Variants in MYH15 observed in about 807,000 individuals in gnomAD.
The protein encoded by MYH15 is myosin-15.
Under a neutral mutation model 240.5 loss-of-function variants are expected in MYH15, and 227 were observed. That is an observed-to-expected ratio of 0.94 (90% CI 0.85 to 1.05). The LOEUF is 1.05. Among genes scored for constraint, MYH15 ranks in the 50% least tolerant of loss-of-function variants. MYH15 has a pLI of 0.00. For missense variants in MYH15, 2,217 were observed against 2,247.5 expected, an observed-to-expected ratio of 0.99 and a Z score of 0.27; for synonymous variants, 785 against 796.7, an observed-to-expected ratio of 0.99 and a Z score of 0.25.
intron 1 of MYH15, among the ~76,000 whole-genome samples, chr3:108,516,505 T>C (rs1389263954): frequency 6.6e-6 from 1 of 152,180 alleles, no homozygotes; most frequent in Non-Finnish European, 1.5e-5. Context: ...CAAGGCCCAG[T>C]GAATGCCACA....
intron 38 of MYH15, 69 bp from the exon 39 acceptor site, chr3:108,384,851 T>C (rs2082370042): frequency 1.5e-6 from 2 of 1,351,262 alleles, no homozygotes; most frequent in African/African-American, 1.4e-5. Flanking sequence ...TGTAGTCTCA[T>C]GTGGGGAAAT....
chr3:108,423,373 A>G (rs749983721), intron 27 of MYH15, among the ~76,000 whole-genome samples: 12 of 152,222 alleles, frequency 7.9e-5, no homozygotes, highest in Non-Finnish European at 1.8e-4. Flanking sequence ...GATGTCCTAC[A>G]GCACACCCAA....
In MYH15 at chr3:108,424,101, C is replaced by T. The variant is rs1006809145; in HGVS notation, c.3703-2887G>A. On this transcript the variant is annotated intron_variant, in intron 27 of 40. Transcript: ENST00000693548. ...CCTGTGTGCTTAGGGTGAAAAAGCA[C>T]GGATCTCTACAAGACAACTTAGTCA... 1.4e-4 allele frequency among the ~76,000 whole-genome samples: 21 copies of T among 152,188 alleles called. 1 individual carries two copies. The highest frequency in any genetic ancestry group is 3.8e-4 in the East Asian group (2 of 5,196).
At chr3:108,427,785 T>C (rs1241065312) in intron 27 of MYH15, among the ~76,000 whole-genome samples, 1 of 152,208 alleles carries the variant, frequency 6.6e-6, no homozygotes. Context: ...TCCATGGAGA[T>C]CAAGCTTTAT....
intron 21 of MYH15, 30 bp from the exon 22 acceptor site, chr3:108,444,925 G>A: frequency 6.3e-7 from 1 of 1,580,488 alleles, no homozygotes; most frequent in Non-Finnish European, 8.6e-7. Context: ...AGAAAAGCAA[G>A]TTAGCCCTGA....
intron 11 of MYH15, among the ~76,000 whole-genome samples, chr3:108,477,947 A>G (rs2083234799): frequency 1.3e-5 from 2 of 152,200 alleles, no homozygotes; most frequent in African/African-American, 4.8e-5. Flanking sequence ...TTCAGTTACC[A>G]ACAAAATAAA....
chr3:108,447,230 C>T (rs1208068020), intron 21 of MYH15, among the ~76,000 whole-genome samples: 1 of 152,012 alleles, frequency 6.6e-6, no homozygotes, highest in East Asian at 1.9e-4. Flanking sequence ...ACTTGTAGGA[C>T]ATCGGCAAGC....
chr3:108,458,077 A>G (rs1382764905), intron 18 of MYH15, among the ~76,000 whole-genome samples: 1 of 152,184 alleles, frequency 6.6e-6, no homozygotes, highest in East Asian at 1.9e-4. Context: ...AGGGAGGGGT[A>G]CAGGGAGTAG....
Position 108,421,260 on chromosome 3 carries a change from T to G in MYH15, c.3703-46A>C, listed in dbSNP as rs1162949317. 4 of 1,593,814 alleles carry G rather than the reference T, an allele frequency of 2.5e-6. No homozygotes were observed. The African/African-American group carries it at 4.0e-5, about 16-fold the overall frequency. On this transcript the variant is annotated intron_variant, in intron 27 of 40. Coordinates refer to ENST00000693548, the MANE Select transcript of MYH15 (RefSeq NM_014981.3). Reference sequence around the variant, plus strand: ...GCTGGTCAGGGCTCACAGAGGATACTCTGAATCAGCTGCACAAAGGAAGAG... The same window carrying G: ...GCTGGTCAGGGCTCACAGAGGATACGCTGAATCAGCTGCACAAAGGAAGAG...
intron 27 of MYH15, among the ~76,000 whole-genome samples, chr3:108,426,036 G>T (rs1340961815): frequency 2.0e-5 from 3 of 152,110 alleles, no homozygotes; most frequent in African/African-American, 7.2e-5. Context: ...TTTGGTGGAA[G>T]AAATCCTTAA....
chr3:108,456,628 T>C (rs1427779027), intron 19 of MYH15, 138 bp downstream of exon 19: 1 of 639,256 alleles, frequency 1.6e-6, no homozygotes, highest in African/African-American at 1.8e-5. Flanking sequence ...TCATCATATA[T>C]CTTCCCACCA....
At chr3:108,493,666 T>C (rs1396645167) in intron 7 of MYH15, among the ~76,000 whole-genome samples, 4 of 152,168 alleles carry the variant, frequency 2.6e-5, no homozygotes, top group East Asian at 3.8e-4. Context: ...TATAGTCTAC[T>C]GGATAAGCAG....
At position 108,462,451 on chromosome 3, in the gene MYH15, G is replaced by A. The variant is rs1361758287; in HGVS notation, c.1864+660C>T. ...ACTTAACTTCTCTATATTTGTTCCT[G>A]TGAGAAGTTAAGTAGGATCCCTGAT... On this transcript the variant is annotated intron_variant, in intron 16 of 40. Coordinates refer to ENST00000693548, the MANE Select transcript of MYH15 (RefSeq NM_014981.3). Among the ~76,000 whole-genome samples the A allele has an allele frequency of 2.0e-5, 3 of 151,994 alleles. No homozygotes were observed. The Middle Eastern group carries it at 0.01, about 517-fold the overall frequency.
chr3:108,485,533 G>T (rs1279598907), intron 10 of MYH15, among the ~76,000 whole-genome samples: 1 of 152,122 alleles, frequency 6.6e-6, no homozygotes, highest in East Asian at 1.9e-4. Flanking sequence ...GCTATATGAG[G>T]TCAATTATTT....
intron 26 of MYH15, 68 bp from the exon 27 acceptor site, chr3:108,428,949 A>C: frequency 7.0e-7 from 1 of 1,432,942 alleles, no homozygotes; most frequent in Non-Finnish European, 9.4e-7. Context: ...ATTTTTTTTT[A>C]ATCACAAAGC....
chr3:108,410,884 C>CA lies in MYH15; in HGVS notation c.4193dup (p.Ala1399GlyfsTer25). On this transcript the variant is annotated frameshift_variant, in exon 31 of 41. Coordinates refer to ENST00000693548, the MANE Select transcript of MYH15 (RefSeq NM_014981.3). LOFTEE classifies it high-confidence loss of function. ...CCAAGGAGGCATTTCTGGCATTGGC[C>CA]ACCCCCATGGCTTCGGCTGCCTCCT... 6.2e-7 allele frequency: 1 copy of CA among 1,610,732 alleles called. No individual in the cohort carries two copies. The highest frequency in any genetic ancestry group is 8.5e-7 in the Non-Finnish European group (1 of 1,177,284).
chr3:108,521,002 A>T (rs1163114796), intron 1 of MYH15, among the ~76,000 whole-genome samples: 1 of 152,124 alleles, frequency 6.6e-6, no homozygotes, highest in East Asian at 1.9e-4. Flanking sequence ...CAGAGGTGAT[A>T]AGCTAGTCAT....
chr3:108,483,463 T>C (rs1576262053), intron 11 of MYH15, among the ~76,000 whole-genome samples: 1 of 149,180 alleles, frequency 6.7e-6, no homozygotes, highest in Non-Finnish European at 1.5e-5. Context: ...TTGGCATGGG[T>C]GTGAAGAAAT....
intron 1 of MYH15, among the ~76,000 whole-genome samples, chr3:108,506,434 G>A (rs1296113040): frequency 1.3e-5 from 2 of 152,042 alleles, no homozygotes; most frequent in Non-Finnish European, 2.9e-5. Flanking sequence ...AGCGTCCTCA[G>A]TTCCTATACC....
Sources: gnomAD v4.1 joint callset for allele counts (sites outside exome capture counted in the v4.1 genomes callset) on GRCh38, gnomAD v4.1.1 for gene constraint, MANE v1.5 for transcripts, NCBI Gene and HGNC (gene_info 2026-07-23, HGNC 2026-07-21) for gene names.